The following CYYR1 variants were observed in gnomAD, a reference collection of about 807,000 sequenced individuals.
The protein encoded by CYYR1 is cysteine and tyrosine-rich protein 1.
A neutral mutation model predicts 15.2 loss-of-function variants in CYYR1; 14 were observed. That is an observed-to-expected ratio of 0.92 (90% CI 0.61 to 1.44). CYYR1 has a LOEUF of 1.44. Ranked by LOEUF, CYYR1 falls within the 40% of genes most tolerant of loss-of-function variation. The pLI, the probability that CYYR1 is intolerant of heterozygous loss-of-function variation, is 0.00. For synonymous variants in CYYR1, 80 were observed against 77.4 expected (o/e 1.03, Z -0.18); for missense variants, 228 against 209.5 (o/e 1.09, Z -0.54).
chr21:26,549,103 T>G (rs540396037), intron 2 of CYYR1, among the ~76,000 whole-genome samples: 1 of 152,138 alleles, frequency 6.6e-6, no homozygotes, highest in South Asian at 2.1e-4. Flanking sequence ...CGTTGACTAA[T>G]TGAAACACAT....
At chr21:26,510,418 T>C (rs222919) in intron 2 of CYYR1, among the ~76,000 whole-genome samples, 1,963 of 152,258 alleles carry the variant, frequency 0.013, 30 homozygotes, top group South Asian at 0.085. Context: ...TTATTTTGTA[T>C]GTATGGAGCA....
intron 2 of CYYR1, among the ~76,000 whole-genome samples, chr21:26,547,408 G>T (rs748377966): frequency 6.6e-6 from 1 of 152,130 alleles, no homozygotes; most frequent in Non-Finnish European, 1.5e-5. Context: ...GGACAGACTT[G>T]TCACAAACCA....
At chr21:26,562,799 A>AACACACACACACACACAC (rs57351372) in intron 2 of CYYR1, among the ~76,000 whole-genome samples, 2,205 of 132,550 alleles carry the variant, frequency 0.017, 49 homozygotes, top group South Asian at 0.025. Context: ...GACATACACA[A>AACACACACACACACACAC]ACACACACAC....
At chr21:26,508,473 G>T (rs2065599737) in intron 2 of CYYR1, among the ~76,000 whole-genome samples, 1 of 152,148 alleles carries the variant, frequency 6.6e-6, no homozygotes, top group Non-Finnish European at 1.5e-5. Context: ...TTTAGAAATG[G>T]TTACCAATCT....
intron 2 of CYYR1, among the ~76,000 whole-genome samples, chr21:26,542,298 T>G (rs866546315): frequency 6.6e-6 from 1 of 150,460 alleles, no homozygotes; most frequent in African/African-American, 2.5e-5. Flanking sequence ...TGCGTGTGTG[T>G]GTGTGTGTGT....
chr21:26,571,988 ACAT>A (rs1981035907), intron 1 of CYYR1, among the ~76,000 whole-genome samples: 2 of 152,368 alleles, frequency 1.3e-5, no homozygotes, highest in Middle Eastern at 3.4e-3. Context: ...ACACTGAAGA[ACAT>A]CATTTCAGTT....
At chr21:26,497,334 CATCA>C (rs2123463948) in intron 2 of CYYR1, among the ~76,000 whole-genome samples, 1 of 152,248 alleles carries the variant, frequency 6.6e-6, no homozygotes, top group Non-Finnish European at 1.5e-5. Flanking sequence ...AAGATCGTTT[CATCA>C]ATCTTGTATC....
At chr21:26,480,556 T>G (rs2065164290) in intron 2 of CYYR1, 127 bp from the exon 3 acceptor site, 1 of 943,262 alleles carries the variant, frequency 1.1e-6, no homozygotes, top group African/African-American at 2.5e-5. Context: ...GTGTGTGTGT[T>G]TTTCTTTTCT....
chr21:26,492,983 A>ATG (rs545047939), intron 2 of CYYR1, among the ~76,000 whole-genome samples: 15 of 151,986 alleles, frequency 9.9e-5, no homozygotes, highest in Non-Finnish European at 1.9e-4. Flanking sequence ...TTGTGTGTAT[A>ATG]TGTGTGTGTG....
At chr21:26,472,424 A>G (rs1419145841) in intron 3 of CYYR1, among the ~76,000 whole-genome samples, 1 of 152,160 alleles carries the variant, frequency 6.6e-6, no homozygotes, top group Non-Finnish European at 1.5e-5. Context: ...TTATAAAACT[A>G]CTTTCAAAAA....
rs1441374684 is a variant in CYYR1 at position 26,466,540 on chromosome 21, G to T, written c.*1961C>A. On this transcript the variant is annotated 3_prime_UTR_variant, in exon 4 of 4. Transcript: ENST00000652641. ...ACTGGCTTCTATTTGGGGAAAATTTGCAGAATATAGGAGGTACGCAATAAA... is the reference window on the plus strand; with the variant it reads ...ACTGGCTTCTATTTGGGGAAAATTTTCAGAATATAGGAGGTACGCAATAAA... The T allele has an allele frequency of 6.6e-6, 1 of 152,180 alleles. No individual in the cohort carries two copies. The highest frequency in any genetic ancestry group is 1.9e-4 in the East Asian group (1 of 5,198). The allele number at this position is 152,180 out of a possible 1,614,324, so 9.4% of individuals were successfully genotyped here.
chr21:26,523,158 A>G (rs1374933087), intron 2 of CYYR1, among the ~76,000 whole-genome samples: 2 of 152,364 alleles, frequency 1.3e-5, no homozygotes, highest in South Asian at 2.1e-4. Flanking sequence ...ATAACATAAT[A>G]TAGTTCTGGC....
rs1327427772 is a variant in CYYR1, at chr21:26,480,273, A to C, written c.333T>G (p.Pro111=). ...TCGAGAGTCAACAGTTTTGCTCACC[A>C]GGATAGGAGGAGACGGTGTTGATGT... ...TTHINTVSSY[P]AGPPPYGHDH... The change falls in exon 3 of 4, where the codon CCT becomes CCG. Residue 111 remains proline, a splice_region_variant and synonymous_variant. Transcript: ENST00000652641. 1 of 1,605,626 alleles carries C rather than the reference A, an allele frequency of 6.2e-7. No homozygotes were observed. Among genetic ancestry groups the C allele is most frequent in the Admixed American group, 1.7e-5 (1 of 57,984 alleles).
chr21:26,484,534 T>C (rs1481948085), intron 2 of CYYR1, among the ~76,000 whole-genome samples: 1 of 152,070 alleles, frequency 6.6e-6, no homozygotes, highest in African/African-American at 2.4e-5. Flanking sequence ...TAAATAAATC[T>C]TTTCAAGAAA....
At chr21:26,477,987 T>C in intron 3 of CYYR1, 1 of 1,512,756 alleles carries the variant, frequency 6.6e-7, no homozygotes, top group Non-Finnish European at 8.9e-7. Context: ...CCCTAGGGTA[T>C]TGATATATGA....
chr21:26,480,193 T>C, intron 3 of CYYR1, 79 bp downstream of exon 3: 1 of 1,401,384 alleles, frequency 7.1e-7, no homozygotes, highest in Non-Finnish European at 9.6e-7. Context: ...ATTGACCATC[T>C]AGAATGTTTC....
chr21:26,502,945 C>T (rs2065502260), intron 2 of CYYR1, among the ~76,000 whole-genome samples: 2 of 151,820 alleles, frequency 1.3e-5, no homozygotes. Context: ...TACATTCTGC[C>T]CTATAGATGT....
At position 26,566,288 on chromosome 21, in the gene CYYR1, C is replaced by G. The variant is rs149736709; in HGVS notation, c.154G>C (p.Ala52Pro). ...CACGAGAGGATATTCCCAATATAAGCGTAGTAGGAGCAACAGTAGGGCGTG... is the reference window on the plus strand; with the variant it reads ...CACGAGAGGATATTCCCAATATAAGGGTAGTAGGAGCAACAGTAGGGCGTG... ...GTTPYCCSYY[A>P]YIGNILSGTA... The change falls in exon 2 of 4, where the codon GCT becomes CCT. Residue 52 changes from alanine to proline, a missense_variant. By Grantham distance (27) the Ala-to-Pro change is conservative. Coordinates refer to ENST00000652641, the MANE Select transcript of CYYR1 (RefSeq NM_001320768.2). 2.5e-6 allele frequency: 4 copies of G among 1,613,524 alleles called. No individual in the cohort carries two copies. Among genetic ancestry groups the G allele is most frequent in the Admixed American group, 3.3e-5 (2 of 59,968 alleles).
At chr21:26,501,774 T>G (rs2123478862) in intron 2 of CYYR1, among the ~76,000 whole-genome samples, 1 of 152,298 alleles carries the variant, frequency 6.6e-6, no homozygotes, top group African/African-American at 2.4e-5. Flanking sequence ...TAATACCCAC[T>G]TATCTACCTC....
Sources: allele counts gnomAD v4.1 joint callset (sites outside exome capture counted in the v4.1 genomes callset), GRCh38; gene constraint gnomAD v4.1.1; transcripts MANE v1.5; gene names NCBI Gene and HGNC (gene_info 2026-07-23, HGNC 2026-07-21).